Variants in GPD2 observed in about 807,000 individuals in gnomAD.
The protein encoded by GPD2 is glycerol-3-phosphate dehydrogenase, mitochondrial.
In GPD2, 54 loss-of-function variants were observed where a neutral mutation model predicts 82.4. The ratio of observed to expected loss-of-function variants is 0.66; its 90% CI spans 0.53 to 0.82. The LOEUF is 0.82. GPD2 is among the 40% of genes least tolerant of loss of function. The pLI, the probability that GPD2 is intolerant of heterozygous loss-of-function variation, is 0.00. For synonymous variants in GPD2, 288 were observed against 306.1 expected, an observed-to-expected ratio of 0.94 and a Z score of 0.62; for missense variants, 748 against 896.2, an observed-to-expected ratio of 0.83 and a Z score of 2.11.
intron 1 of GPD2, among the ~76,000 whole-genome samples, chr2:156,439,849 A>AAACTAAATAAATAAATAAAT (rs1553463893): frequency 6.8e-6 from 1 of 147,544 alleles, no homozygotes; most frequent in Non-Finnish European, 1.5e-5. Context: ...TCTGTCTCAA[A>AAACTAAATAAATAAATAAAT]AAATAAATAA....
chr2:156,463,231 G>A (rs527908960), intron 1 of GPD2, among the ~76,000 whole-genome samples: 2 of 152,274 alleles, frequency 1.3e-5, no homozygotes, highest in South Asian at 2.1e-4. Flanking sequence ...AGAAGCCAAA[G>A]TGTGACTTAC....
At chr2:156,536,999 G>C (rs1686108191) in intron 6 of GPD2, among the ~76,000 whole-genome samples, 1 of 152,162 alleles carries the variant, frequency 6.6e-6, no homozygotes, top group African/African-American at 2.4e-5. Flanking sequence ...TCAGAGCTTT[G>C]GCTAAGCAAA....
chr2:156,524,710 A>C (rs534226214), intron 6 of GPD2, among the ~76,000 whole-genome samples: 1 of 152,226 alleles, frequency 6.6e-6, no homozygotes, highest in Admixed American at 6.5e-5. Context: ...AAAAGCAGCC[A>C]AACTTAAAAG....
At chr2:156,433,204 G>GT (rs1558895107), upstream of GPD2, among the ~76,000 whole-genome samples, 1 of 152,128 alleles carries the variant, frequency 6.6e-6, no homozygotes, top group Non-Finnish European at 1.5e-5. Flanking sequence ...AACAAAGGTG[G>GT]TAACAGCCCA....
chr2:156,563,827 C>T (rs1008199233), intron 9 of GPD2, among the ~76,000 whole-genome samples: 2 of 152,074 alleles, frequency 1.3e-5, no homozygotes, highest in Admixed American at 1.3e-4. Flanking sequence ...CTGCTCTGTG[C>T]TATATGATAG....
In GPD2 at chr2:156,585,102, C is replaced by G. The variant is rs1213961771; in HGVS notation, c.*2184C>G. ...ATTTCTAAAATGTAGAGTCCTTCAC[C>G]AATCCCAGAGACTCAATTTGGAAAT... is the stretch of plus-strand genomic sequence containing the variant. On this transcript the variant is annotated 3_prime_UTR_variant, in exon 17 of 17. Transcript: ENST00000438166. 6.6e-6 allele frequency: 1 copy of G among 151,954 alleles called. No homozygotes were observed. Among genetic ancestry groups the G allele is most frequent in the Non-Finnish European group, 1.5e-5 (1 of 67,920 alleles). 9.4% of individuals were successfully genotyped at this position (151,954 alleles called of 1,614,324 possible).
chr2:156,537,414 C>T (rs7558850), intron 6 of GPD2, among the ~76,000 whole-genome samples: 117 of 152,270 alleles, frequency 7.7e-4, no homozygotes, highest in African/African-American at 2.3e-3. Flanking sequence ...GGGCAAGAAA[C>T]TCCACTCACT....
chr2:156,400,852 G>A, the GPD2 span, among the ~76,000 whole-genome samples: 1 of 152,096 alleles, frequency 6.6e-6, no homozygotes, highest in East Asian at 1.9e-4. Flanking sequence ...ATCAGCCGAC[G>A]TTTGCTTTTT....
At chr2:156,401,096 T>G in the GPD2 span, among the ~76,000 whole-genome samples, 20 of 152,318 alleles carry the variant, frequency 1.3e-4, no homozygotes, top group East Asian at 3.9e-3. Flanking sequence ...GTTATTGAAC[T>G]TTGAGGCTCC....
At chr2:156,529,555 G>A (rs1685761329) in intron 6 of GPD2, among the ~76,000 whole-genome samples, 1 of 151,808 alleles carries the variant, frequency 6.6e-6, no homozygotes, top group Non-Finnish European at 1.5e-5. Flanking sequence ...TTTCTTCTAG[G>A]GTTTTTATGG....
In GPD2 at chr2:156,493,926, A is replaced by G. The variant is rs7560365; in HGVS notation, c.103-2118A>G. On this transcript the variant is annotated intron_variant, in intron 2 of 16. Transcript: ENST00000438166. ...TTCTATGTACTTGTTATATATATGTATGTGTGTGTGTGTGTGTGTGTGTGT... is the reference window on the plus strand; with the variant it reads ...TTCTATGTACTTGTTATATATATGTGTGTGTGTGTGTGTGTGTGTGTGTGT... 8.1e-4 allele frequency among the ~76,000 whole-genome samples: 110 copies of G among 136,316 alleles called. 1 individual carries two copies. Among genetic ancestry groups the G allele is most frequent in the Admixed American group, 3.7e-3 (49 of 13,346 alleles). 89.4% of individuals were successfully genotyped at this position (136,316 alleles called of 152,430 possible). A position where few individuals can be genotyped will look rare whatever the true frequency, so the allele number is the denominator to read the frequency against.
Position 156,550,664 on chromosome 2 carries a change from G to C in GPD2, c.889G>C (p.Val297Leu). ...TGCCACGGGACCTTTCACGGACTCTGTGCGCAAAATGGATGATAAAGACGC... is the reference window on the plus strand; with the variant it reads ...TGCCACGGGACCTTTCACGGACTCTCTGCGCAAAATGGATGATAAAGACGC... ...INATGPFTDS[V>L]RKMDDKDAAA... The change falls in exon 8 of 17, where the codon GTG becomes CTG. Residue 297 changes from valine to leucine, a missense_variant. Coordinates refer to ENST00000438166, the MANE Select transcript of GPD2 (RefSeq NM_000408.5). 1 of 1,613,968 alleles carries C rather than the reference G, an allele frequency of 6.2e-7. No homozygotes were observed. Among genetic ancestry groups the C allele is most frequent in the Non-Finnish European group, 8.5e-7 (1 of 1,179,846 alleles).
At chr2:156,401,892 T>C in the GPD2 span, among the ~76,000 whole-genome samples, 1 of 152,188 alleles carries the variant, frequency 6.6e-6, no homozygotes, top group East Asian at 1.9e-4. Flanking sequence ...AATGGATTTA[T>C]GGAAATGATT....
In GPD2 at chr2:156,579,671, A is replaced by G. The variant is rs757748055; in HGVS notation, c.1960-19A>G. On this transcript the variant is annotated intron_variant, in intron 15 of 16. Coordinates refer to ENST00000438166, the MANE Select transcript of GPD2 (RefSeq NM_000408.5). ...ATTTTTAATCAAACTGTATTATTCT[A>G]TGCTTTTCTTTTACTTAGAGTATCA... 8 of 1,106,186 alleles carry G rather than the reference A, an allele frequency of 7.2e-6. No individual in the cohort carries two copies. The highest frequency in any genetic ancestry group is 4.6e-5 in the African/African-American group (3 of 65,226). 68.5% of individuals were successfully genotyped at this position (1,106,186 alleles called of 1,614,324 possible). A position where few individuals can be genotyped will look rare whatever the true frequency, so the allele number is the denominator to read the frequency against.
intron 9 of GPD2, among the ~76,000 whole-genome samples, chr2:156,561,011 TGAA>T (rs1434296090): frequency 1.4e-5 from 2 of 142,330 alleles, no homozygotes; most frequent in African/African-American, 5.1e-5. Context: ...ACTTTCTAGT[TGAA>T]GAAACTGAGG....
At chr2:156,432,041 C>T (rs1688321830), upstream of GPD2, among the ~76,000 whole-genome samples, 1 of 151,960 alleles carries the variant, frequency 6.6e-6, no homozygotes, top group Admixed American at 6.6e-5. Flanking sequence ...CGTGTGCCAC[C>T]AGACCTGGCT....
At chr2:156,512,417 G>A in intron 5 of GPD2, 100 bp downstream of exon 5, 1 of 757,942 alleles carries the variant, frequency 1.3e-6, no homozygotes, top group Non-Finnish European at 2.4e-6. Context: ...TCATAATGTG[G>A]TTTTAATTGG....
At chr2:156,515,988 T>C (rs948589118) in intron 6 of GPD2, among the ~76,000 whole-genome samples, 10 of 152,184 alleles carry the variant, frequency 6.6e-5, no homozygotes, top group Non-Finnish European at 1.0e-4. Flanking sequence ...AGCATGTAGG[T>C]AAAAGAATTA....
the GPD2 span, among the ~76,000 whole-genome samples, chr2:156,416,699 C>G: frequency 1.3e-5 from 2 of 151,996 alleles, no homozygotes; most frequent in Non-Finnish European, 2.9e-5. Context: ...GTCACTCTTT[C>G]AGACACTGAT....
Sources: allele counts gnomAD v4.1 joint callset (sites outside exome capture counted in the v4.1 genomes callset), GRCh38; gene constraint gnomAD v4.1.1; transcripts MANE v1.5; gene names NCBI Gene and HGNC (gene_info 2026-07-23, HGNC 2026-07-21).